Variants in JADE3 observed in about 807,000 individuals in gnomAD.
The protein encoded by JADE3 is jade family PHD finger 3.
In JADE3, 2 loss-of-function variants were observed where a neutral mutation model predicts 50.1. The ratio of observed to expected loss-of-function variants is 0.04; its 90% CI spans 0.02 to 0.13. The LOEUF (loss-of-function observed/expected upper bound fraction) is 0.13. Ranked by LOEUF, JADE3 falls within the 10% of genes least tolerant of loss-of-function variation. The pLI is 1.00. For missense variants in JADE3, 475 were observed against 634.4 expected (o/e 0.75, Z 2.70); for synonymous variants, 218 against 232.9 (o/e 0.94, Z 0.58).
chrX:46,953,549 A>C (rs782423718), intron 1 of JADE3, among the ~76,000 whole-genome samples: 21 of 111,629 alleles, frequency 1.9e-4, no homozygotes, highest in African/African-American at 6.5e-4. Flanking sequence ...TTGGAACCGG[A>C]AGTCTTCACT....
chrX:46,923,985 G>A (rs1556338334), intron 1 of JADE3, among the ~76,000 whole-genome samples: 1 of 111,710 alleles, frequency 9.0e-6, no homozygotes, highest in Non-Finnish European at 1.9e-5. Context: ...CCTCCTCCTG[G>A]ACTGGAGCTT....
At chrX:46,951,640 G>A (rs1296676142) in intron 1 of JADE3, among the ~76,000 whole-genome samples, 5 of 105,405 alleles carry the variant, frequency 4.7e-5, no homozygotes, top group Non-Finnish European at 9.7e-5. Context: ...TTAGATTCTA[G>A]TTATACAAAT....
intron 4 of JADE3, among the ~76,000 whole-genome samples, chrX:47,019,677 G>C (rs919495961): frequency 8.9e-6 from 1 of 112,367 alleles, no homozygotes; most frequent in African/African-American, 3.2e-5. Context: ...AGCATAGTCT[G>C]TACCTGCCAA....
At chrX:47,033,264 A>G (rs912732542) in intron 6 of JADE3, among the ~76,000 whole-genome samples, 1 of 111,889 alleles carries the variant, frequency 8.9e-6, no homozygotes, top group Non-Finnish European at 1.9e-5. Context: ...GAAATGTTCA[A>G]TAAGTGTTTG....
rs782555482 is a variant in JADE3 at position 46,923,393 on chromosome X, C to CTTTTTTTTTTTT, written c.-12+10691_-12+10702dup. Reference sequence around the variant, plus strand: ...ATTTCTTTTCTCTCTCTCTCTCTCTCTTTTTTTTTTTTTTTTTTTTTTTTT... The same window carrying CTTTTTTTTTTTT: ...ATTTCTTTTCTCTCTCTCTCTCTCTCTTTTTTTTTTTTTTTTTTTTTTTTTTTTTTTTTTTTT... On this transcript the variant is annotated intron_variant, in intron 1 of 10. Transcript: ENST00000614628. Among the ~76,000 whole-genome samples the CTTTTTTTTTTTT allele has an allele frequency of 9.9e-3, 114 of 11,524 alleles. 18 individuals carry two copies. The highest frequency in any genetic ancestry group is 0.02 in the Non-Finnish European group (97 of 4,945). The allele number at this position is 11,524 out of a possible 115,157, so 10.0% of individuals were successfully genotyped here. A position where few individuals can be genotyped will look rare whatever the true frequency, so the allele number is the denominator to read the frequency against.
chrX:47,049,755 C>CTTTTTT (rs536912145), intron 8 of JADE3, among the ~76,000 whole-genome samples: 41 of 55,861 alleles, frequency 7.3e-4, no homozygotes, highest in Non-Finnish European at 9.3e-4. Context: ...TCTTCTTCTT[C>CTTTTTT]TTTTTTTTTT....
intron 8 of JADE3, among the ~76,000 whole-genome samples, chrX:47,053,339 G>T (rs1222516634): frequency 3.6e-5 from 4 of 110,408 alleles, no homozygotes; most frequent in African/African-American, 1.3e-4. Context: ...GCTCACTGCA[G>T]CTTGGACCTC....
chrX:46,999,861 G>A (rs1421853087), intron 4 of JADE3, among the ~76,000 whole-genome samples: 4 of 111,559 alleles, frequency 3.6e-5, no homozygotes, highest in African/African-American at 1.3e-4. Flanking sequence ...AAAAGTTTGA[G>A]TGAATGAATG....
chrX:47,009,891 C>A (rs1303334543), intron 4 of JADE3, among the ~76,000 whole-genome samples: 2 of 109,611 alleles, frequency 1.8e-5, no homozygotes, highest in African/African-American at 3.3e-5. Flanking sequence ...TCCCAAAATA[C>A]CGGGATTACA....
intron 6 of JADE3, among the ~76,000 whole-genome samples, chrX:47,030,498 G>T (rs947263711): frequency 9.0e-6 from 1 of 111,608 alleles, no homozygotes; most frequent in African/African-American, 3.3e-5. Flanking sequence ...ATTCTAAAGA[G>T]ATACTTGGCT....
intron 1 of JADE3, among the ~76,000 whole-genome samples, chrX:46,965,911 T>A (rs983434822): frequency 8.9e-6 from 1 of 111,924 alleles, no homozygotes; most frequent in Non-Finnish European, 1.9e-5. Context: ...TGATCCAATT[T>A]GTGTTTTAGA....
intron 1 of JADE3, among the ~76,000 whole-genome samples, chrX:46,969,286 C>T (rs111257493): frequency 0.013 from 1,445 of 111,149 alleles, 8 homozygotes; most frequent in Non-Finnish European, 0.022. Flanking sequence ...CGTGGTGGCA[C>T]ATGCCTGTAA....
chrX:47,058,143 A>G, intron 10 of JADE3, 24 bp from the exon 11 acceptor site: 1 of 1,173,770 alleles, frequency 8.5e-7, no homozygotes, highest in Middle Eastern at 2.4e-4. Flanking sequence ...GGTTGTTAAA[A>G]CGAATCTTTC....
At chrX:47,025,054 T>C (rs782344686) in intron 5 of JADE3, 140 bp downstream of exon 5, 1 of 402,940 alleles carries the variant, frequency 2.5e-6, no homozygotes, top group African/African-American at 2.6e-5. Context: ...TGATTTTATC[T>C]TATTTCAGTG....
chrX:46,997,990 T>G, intron 3 of JADE3, 130 bp from the exon 4 acceptor site: 1 of 504,180 alleles, frequency 2.0e-6, no homozygotes, highest in Non-Finnish European at 3.2e-6. Context: ...GATCTGGCCA[T>G]TTAGGAAGTT....
At chrX:46,998,050 A>G (rs1928174475) in intron 3 of JADE3, 70 bp from the exon 4 acceptor site, 1 of 903,324 alleles carries the variant, frequency 1.1e-6, no homozygotes, top group Middle Eastern at 2.8e-4. Context: ...GGTCTTTTTA[A>G]AAGGAGAACA....
intron 1 of JADE3, among the ~76,000 whole-genome samples, chrX:46,935,826 C>CTTTTTTT (rs142025908): frequency 1.6e-5 from 1 of 62,749 alleles, no homozygotes; most frequent in Non-Finnish European, 2.7e-5. Flanking sequence ...AAGTCTTTCA[C>CTTTTTTT]TTTTTTTTTT....
intron 1 of JADE3, among the ~76,000 whole-genome samples, chrX:46,914,142 C>T (rs1926030824): frequency 8.9e-6 from 1 of 111,938 alleles, no homozygotes; most frequent in Admixed American, 9.4e-5. Context: ...TTTAAGCAAC[C>T]CACAATCCAC....
chrX:46,967,819 A>G (rs1927400102), intron 1 of JADE3, among the ~76,000 whole-genome samples: 1 of 112,299 alleles, frequency 8.9e-6, no homozygotes, highest in Non-Finnish European at 1.9e-5. Context: ...CTCGAGTTAC[A>G]CATTTTAAAT....
Sources: allele counts gnomAD v4.1 joint callset (sites outside exome capture counted in the v4.1 genomes callset), GRCh38; gene constraint gnomAD v4.1.1; transcripts MANE v1.5; gene names NCBI Gene and HGNC (gene_info 2026-07-23, HGNC 2026-07-21).